CPSF4L: variants seen among roughly 807,000 people sequenced by gnomAD.
CPSF4L encodes the protein cleavage and polyadenylation specific factor 4 like, also known as putative cleavage and polyadenylation specificity factor subunit 4-like protein.
CPSF4L carries 18 observed loss-of-function variants against 24.0 expected under a neutral mutation model. The observed-to-expected ratio is 0.75, with a 90% confidence interval of 0.52 to 1.11. CPSF4L has a LOEUF of 1.11. Among genes scored for constraint, CPSF4L ranks in the 50% least tolerant of loss-of-function variants. The pLI, the probability that CPSF4L is intolerant of heterozygous loss-of-function variation, is 0.00. For missense variants in CPSF4L, 211 were observed against 221.8 expected, an observed-to-expected ratio of 0.95 and a Z score of 0.31; for synonymous variants, 72 against 77.2, an observed-to-expected ratio of 0.93 and a Z score of 0.35.
At chr17:73,251,606 C>T (rs1410629647) in intron 5 of CPSF4L, among the ~76,000 whole-genome samples, 1 of 152,228 alleles carries the variant, frequency 6.6e-6, no homozygotes, top group East Asian at 1.9e-4. Flanking sequence ...ATTGTAAGCA[C>T]CAGAACAGCC....
chr17:73,247,131 G>T, downstream of CPSF4L: 1 of 897,166 alleles, frequency 1.1e-6, no homozygotes, highest in Non-Finnish European at 1.8e-6. Flanking sequence ...CTGCTCATTT[G>T]GTTAGGTGGC....
In CPSF4L at chr17:73,249,380, T is replaced by G. The variant is rs141174865; in HGVS notation, c.498-844A>C. 2.0e-5 allele frequency among the ~76,000 whole-genome samples: 3 copies of G among 152,306 alleles called. 1 individual carries two copies. In the East Asian group the frequency reaches 5.8e-4, roughly 29 times the overall value. ...GGCGTAGGTGCTATCCTGCTCATTT[T>G]CCAAAAAGAAAACGGGCTTGAGGTA... is the stretch of plus-strand genomic sequence containing the variant. On this transcript the variant is annotated intron_variant, in intron 5 of 5. Coordinates refer to ENST00000344935, the MANE Select transcript of CPSF4L (RefSeq NM_001129885.1).
downstream of CPSF4L, chr17:73,247,126 C>T (rs2061961503): frequency 1.2e-6 from 1 of 862,916 alleles, no homozygotes. Flanking sequence ...AAGCCCTGCT[C>T]ATTTGGTTAG....
At chr17:73,245,293 C>A, downstream of CPSF4L, 3 of 1,477,926 alleles carry the variant, frequency 2.0e-6, no homozygotes, top group Non-Finnish European at 1.8e-6. Context: ...ATATTTGGGA[C>A]AGGGAGAGGG....
At chr17:73,255,610 G>GCT (rs2062022141) in intron 3 of CPSF4L, among the ~76,000 whole-genome samples, 1 of 151,898 alleles carries the variant, frequency 6.6e-6, no homozygotes, top group South Asian at 2.1e-4. Flanking sequence ...GAACGCCAGG[G>GCT]CTCAGAGAGG....
chr17:73,261,905 G>A, upstream of CPSF4L: 4 of 948,830 alleles, frequency 4.2e-6, no homozygotes, highest in South Asian at 1.4e-5. Flanking sequence ...TAAGGGGCCA[G>A]CGCCCAATGC....
chr17:73,247,370 G>A (rs563125182), downstream of CPSF4L: 6 of 1,609,718 alleles, frequency 3.7e-6, no homozygotes, highest in African/African-American at 2.7e-5. Context: ...AGAAGCCTTC[G>A]TGACTTCTCT....
Position 73,257,753 on chromosome 17 carries a change from C to A in CPSF4L, c.235G>T (p.Gly79Cys). 6.4e-7 allele frequency: 1 copy of A among 1,551,660 alleles called. No homozygotes were observed. Among genetic ancestry groups the A allele is most frequent in the Non-Finnish European group, 8.7e-7 (1 of 1,146,992 alleles). ...KHWLRGLCKK[G>C]DHCKFLHQYD... ...TGGTGCAGGAACTTGCAGTGATCAC[C>A]CTTCTTGCAGAGCCCCCGGAGCCAG... is the stretch of plus-strand genomic sequence containing the variant. The change falls in exon 3 of 6, where the codon GGT (glycine) becomes TGT (cysteine). Residue 79 changes from glycine to cysteine, a missense_variant. Coordinates refer to ENST00000344935, the MANE Select transcript of CPSF4L (RefSeq NM_001129885.1).
Position 73,257,610 on chromosome 17 carries a change from G to A in CPSF4L, c.307+71C>T, listed in dbSNP as rs1324394723. On this transcript the variant is annotated intron_variant, in intron 3 of 5. Coordinates refer to ENST00000344935, the MANE Select transcript of CPSF4L (RefSeq NM_001129885.1). ...CCTCCTCTGCGTGCCCGCTCCTCTA[G>A]AAACCTTCCCATCTCACAGCCCACA... The A allele has an allele frequency of 4.7e-6, 7 of 1,503,156 alleles. No homozygotes were observed. In the East Asian group the frequency reaches 1.2e-4, roughly 26 times the overall value. The allele number at this position is 1,503,156 out of a possible 1,614,324, so 93.1% of individuals were successfully genotyped here.
intron 2 of CPSF4L, 85 bp from the exon 3 acceptor site, chr17:73,257,918 G>A: frequency 1.4e-6 from 2 of 1,425,032 alleles, no homozygotes; most frequent in Non-Finnish European, 1.9e-6. Context: ...CCCCAGGAGG[G>A]TACCTGACTC....
chr17:73,251,139 C>G, intron 5 of CPSF4L: 1 of 1,508,006 alleles, frequency 6.6e-7, no homozygotes, highest in Non-Finnish European at 8.9e-7. Context: ...ACACCTACTG[C>G]AGATAGTCCC....
At chr17:73,255,148 C>T (rs1347507326) in intron 3 of CPSF4L, among the ~76,000 whole-genome samples, 1 of 152,034 alleles carries the variant, frequency 6.6e-6, no homozygotes, top group Non-Finnish European at 1.5e-5. Flanking sequence ...TTTCAAATTG[C>T]TCCAGGAAGA....
At chr17:73,242,417 G>C in the CPSF4L span, 1 of 1,115,426 alleles carries the variant, frequency 9.0e-7, no homozygotes, top group Non-Finnish European at 1.3e-6. Flanking sequence ...GTTTCTCTTC[G>C]GGCTGTTAAG....
intron 5 of CPSF4L, 89 bp from the exon 6 acceptor site, chr17:73,248,625 C>T: frequency 1.5e-6 from 2 of 1,308,520 alleles, no homozygotes; most frequent in Non-Finnish European, 2.2e-6. Context: ...GGCATGGTGA[C>T]ACCCAGGCTA....
chr17:73,248,539 G>T lies in CPSF4L; in HGVS notation c.498-3C>A, dbSNP rs906580102. ...GCAGCTTGAATTCCCGAATCTTCCTGCAAGGTGCATACAAATGCAGCGTGA... is the reference window on the plus strand; with the variant it reads ...GCAGCTTGAATTCCCGAATCTTCCTTCAAGGTGCATACAAATGCAGCGTGA... On this transcript the variant is annotated splice_polypyrimidine_tract_variant and splice_region_variant and intron_variant, in intron 5 of 5. Transcript: ENST00000344935. 2.4e-5 allele frequency: 38 copies of T among 1,551,492 alleles called. No individual in the cohort carries two copies. Among genetic ancestry groups the T allele is most frequent in the Non-Finnish European group, 3.2e-5 (37 of 1,146,948 alleles).
chr17:73,263,264 A>G (rs935630821), upstream of CPSF4L, among the ~76,000 whole-genome samples: 10 of 152,170 alleles, frequency 6.6e-5, no homozygotes, highest in Admixed American at 5.2e-4. Context: ...CCAAGACCAC[A>G]TGGTTTGGGA....
intron 5 of CPSF4L, chr17:73,248,963 C>T (rs1221850403): frequency 1.9e-5 from 3 of 162,150 alleles, no homozygotes; most frequent in South Asian, 3.3e-4. Flanking sequence ...ATAAAAAGTA[C>T]TCCCCTGAGC....
chr17:73,263,362 C>T (rs1233081351), upstream of CPSF4L, among the ~76,000 whole-genome samples: 1 of 152,164 alleles, frequency 6.6e-6, no homozygotes, highest in African/African-American at 2.4e-5. Flanking sequence ...GGCCACGTCC[C>T]TATCCTCAGA....
chr17:73,261,333 A>C (rs1008710469), intron 1 of CPSF4L, among the ~76,000 whole-genome samples: 7 of 152,256 alleles, frequency 4.6e-5, no homozygotes, highest in Admixed American at 2.0e-4. Flanking sequence ...GGGCGGTCGC[A>C]TCAGGGAGTT....
Sources: allele counts gnomAD v4.1 joint callset (sites outside exome capture counted in the v4.1 genomes callset), GRCh38; gene constraint gnomAD v4.1.1; transcripts MANE v1.5; gene names NCBI Gene and HGNC (gene_info 2026-07-23, HGNC 2026-07-21).